CDH4: variants seen among roughly 807,000 people sequenced by gnomAD.
CDH4 encodes the protein cadherin-4.
Under a neutral mutation model 86.0 loss-of-function variants are expected in CDH4, and 33 were observed. That is an observed-to-expected ratio of 0.38 (90% CI 0.29 to 0.51). The LOEUF is 0.51. CDH4 is among the 20% of genes least tolerant of loss of function. The pLI is 0.86. For missense variants in CDH4, 1,114 were observed against 1,307.4 expected, an observed-to-expected ratio of 0.85 and a Z score of 2.28; for synonymous variants, 555 against 549.4, an observed-to-expected ratio of 1.01 and a Z score of -0.14.
intron 8 of CDH4, 150 bp downstream of exon 8, chr20:61,895,197 T>C (rs1985049372): frequency 5.3e-6 from 5 of 945,756 alleles, no homozygotes; most frequent in East Asian, 4.9e-5. Flanking sequence ...CGGAGGCTGC[T>C]GTGTGGAGTG....
intron 2 of CDH4, among the ~76,000 whole-genome samples, chr20:61,733,461 G>A (rs1030123526): frequency 2.0e-5 from 3 of 152,088 alleles, no homozygotes; most frequent in Non-Finnish European, 4.4e-5. Flanking sequence ...AGAGGCCTCG[G>A]GATGCATGCT....
intron 4 of CDH4, among the ~76,000 whole-genome samples, chr20:61,821,870 A>C (rs74692741): frequency 0.018 from 2,681 of 152,352 alleles, 65 homozygotes; most frequent in African/African-American, 0.06. Context: ...GACATTAATG[A>C]GTAACACACC....
intron 1 of CDH4, among the ~76,000 whole-genome samples, chr20:61,254,548 C>T (rs773128842): frequency 8.0e-4 from 122 of 152,180 alleles, no homozygotes; most frequent in Non-Finnish European, 1.3e-3. Flanking sequence ...CCAATAAGGC[C>T]CTGGCCGGCC....
chr20:61,924,294 C>T (rs1453220377), intron 10 of CDH4, 40 bp from the exon 11 acceptor site: 2 of 1,569,230 alleles, frequency 1.3e-6, no homozygotes, highest in East Asian at 2.3e-5. Flanking sequence ...GCCCCGCCCA[C>T]CCCCAGCCTT....
chr20:61,570,848 G>A, intron 2 of CDH4: 2 of 698,414 alleles, frequency 2.9e-6, no homozygotes, highest in Middle Eastern at 2.5e-4. Flanking sequence ...CCTTCCAAGT[G>A]TGTTGCGTTT....
At chr20:61,483,444 A>G (rs1247333814) in intron 2 of CDH4, among the ~76,000 whole-genome samples, 1 of 152,192 alleles carries the variant, frequency 6.6e-6, no homozygotes, top group Non-Finnish European at 1.5e-5. Context: ...GGTTATGGTT[A>G]CAAGAATTCA....
At chr20:61,504,320 T>C (rs1249762611) in intron 2 of CDH4, among the ~76,000 whole-genome samples, 1 of 152,228 alleles carries the variant, frequency 6.6e-6, no homozygotes, top group African/African-American at 2.4e-5. Context: ...CAAGGAAGCC[T>C]ATTAGATACT....
intron 2 of CDH4, among the ~76,000 whole-genome samples, chr20:61,638,580 T>C (rs1363813926): frequency 6.6e-6 from 1 of 152,172 alleles, no homozygotes; most frequent in Non-Finnish European, 1.5e-5. Context: ...AGGGCCCTGG[T>C]AGTTCCCAGG....
At chr20:61,457,547 T>TAG (rs1335687977) in intron 2 of CDH4, among the ~76,000 whole-genome samples, 3 of 150,768 alleles carry the variant, frequency 2.0e-5, no homozygotes, top group African/African-American at 7.4e-5. Flanking sequence ...ATGGTGATAG[T>TAG]AGTGATGATG....
intron 2 of CDH4, among the ~76,000 whole-genome samples, chr20:61,319,163 T>C (rs2084494324): frequency 6.6e-6 from 1 of 151,472 alleles, no homozygotes; most frequent in African/African-American, 2.4e-5. Context: ...TAATATAACA[T>C]ATAAAAATAT....
chr20:61,744,317 AAGAG>A lies in CDH4; in HGVS notation c.396+532_396+535del, dbSNP rs527699211. ...AGAGAATGAGAGAGGGATGGGGAGA[AAGAG>A]AGAAGAGAGGTGGAGAGAGACAGGA... is the stretch of plus-strand genomic sequence containing the variant. On this transcript the variant is annotated intron_variant, in intron 3 of 15. Transcript: ENST00000614565. Among the ~76,000 whole-genome samples the A allele has an allele frequency of 1.1e-3, 160 of 151,586 alleles. 1 individual carries two copies. The highest frequency in any genetic ancestry group is 3.0e-3 in the African/African-American group (124 of 41,294).
chr20:61,743,690 G>A lies in CDH4; in HGVS notation c.297G>A (p.Ala99=), dbSNP rs79132902. Residue 99 remains alanine, a synonymous_variant, in exon 3 of 16, where the codon GCG becomes GCA. Transcript: ENST00000614565. The part of the protein sequence containing the change: ...RELQVPSEQV[A]FTVTAWDSQT... ...TGCAGGTCCCCTCCGAGCAGGTGGCGTTCACGGTGACTGCATGGGACAGCC... is the reference window on the plus strand; with the variant it reads ...TGCAGGTCCCCTCCGAGCAGGTGGCATTCACGGTGACTGCATGGGACAGCC... 22 of 1,608,516 alleles carry A rather than the reference G, an allele frequency of 1.4e-5. No homozygotes were observed. The highest frequency in any genetic ancestry group is 8.9e-5 in the East Asian group (4 of 44,706).
intron 2 of CDH4, among the ~76,000 whole-genome samples, chr20:61,628,370 C>T (rs571120128): frequency 3.3e-5 from 5 of 152,282 alleles, no homozygotes; most frequent in African/African-American, 1.2e-4. Context: ...TCTGTCAAAG[C>T]GACTTCAGGG....
intron 2 of CDH4, among the ~76,000 whole-genome samples, chr20:61,505,376 CT>C (rs1454703000): frequency 1.3e-5 from 2 of 152,172 alleles, no homozygotes; most frequent in Non-Finnish European, 2.9e-5. Context: ...GGACGGCCCG[CT>C]TTGGAATCCA....
At position 61,904,090 on chromosome 20, in the gene CDH4, G is replaced by A. The variant is rs976024865; in HGVS notation, c.1189-6332G>A. On this transcript the variant is annotated intron_variant, in intron 8 of 15. Transcript: ENST00000614565. ...CGGCGTCCTGTGGGCTTGCCCCAGC[G>A]GGGGACAGCAGCCAGTCCTGAGAGT... Among the ~76,000 whole-genome samples, 16 of 152,346 alleles carry A rather than the reference G, an allele frequency of 1.1e-4. 1 individual carries two copies. The highest frequency in any genetic ancestry group is 3.1e-4 in the African/African-American group (13 of 41,582).
At chr20:61,488,077 C>T (rs942944430) in intron 2 of CDH4, among the ~76,000 whole-genome samples, 3 of 152,202 alleles carry the variant, frequency 2.0e-5, no homozygotes, top group African/African-American at 7.2e-5. Context: ...TCACTCAGTG[C>T]CATTTATTTG....
Position 61,585,643 on chromosome 20 carries a change from ATGATGG to A in CDH4, c.170-157903_170-157898del, listed in dbSNP as rs1226524145. ...GATGGTCATGACGGTGATGGTGATG[ATGATGG>A]TGATGGTGATGGTGATTGTGATGGT... On this transcript the variant is annotated intron_variant, in intron 2 of 15. Transcript: ENST00000614565. 2.4e-4 allele frequency among the ~76,000 whole-genome samples: 36 copies of A among 151,624 alleles called. No individual in the cohort carries two copies. In the East Asian group the frequency reaches 4.8e-3, roughly 20 times the overall value.
At chr20:61,920,078 C>T (rs1331110854) in intron 9 of CDH4, among the ~76,000 whole-genome samples, 106 of 38,536 alleles carry the variant, frequency 2.8e-3, no homozygotes, top group East Asian at 5.7e-3. Flanking sequence ...AGCGTGGTGT[C>T]ACGGTGATTG....
At chr20:61,594,669 C>T (rs2086542824) in intron 2 of CDH4, among the ~76,000 whole-genome samples, 2 of 152,144 alleles carry the variant, frequency 1.3e-5, no homozygotes, top group Admixed American at 6.5e-5. Context: ...GTGCTTCTAG[C>T]AGGGAGAATA....
Sources: allele counts gnomAD v4.1 joint callset (sites outside exome capture counted in the v4.1 genomes callset), GRCh38; gene constraint gnomAD v4.1.1; transcripts MANE v1.5; gene names NCBI Gene and HGNC (gene_info 2026-07-23, HGNC 2026-07-21).